The following XIRP2 variants were observed in gnomAD, a reference collection of about 807,000 sequenced individuals.
XIRP2 encodes xin actin-binding repeat-containing protein 2.
A neutral mutation model predicts 277.0 loss-of-function variants in XIRP2; 236 were observed. The ratio of observed to expected loss-of-function variants is 0.85; its 90% CI spans 0.77 to 0.95. The LOEUF (loss-of-function observed/expected upper bound fraction) is 0.95, where lower values mean the gene tolerates loss of function less well. XIRP2 is among the 40% of genes least tolerant of loss of function. XIRP2 has a pLI of 0.00. For synonymous variants in XIRP2, 1,490 were observed against 1,416.5 expected (o/e 1.05, Z -1.17); for missense variants, 4,640 against 4,157.5 (o/e 1.12, Z -3.19).
Position 167,245,825 on chromosome 2 carries a change from C to G in XIRP2, c.4433C>G (p.Thr1478Ser). The change falls in exon 9 of 11, where the codon ACT becomes AGT. Residue 1478 changes from threonine to serine, a missense_variant. Transcript: ENST00000409195. Reference sequence around the variant, plus strand: ...GAATATGAAAATATCAAGACAGTCACTCAGGAAGATGTGCAGAAAGGTGAT... The same window carrying G: ...GAATATGAAAATATCAAGACAGTCAGTCAGGAAGATGTGCAGAAAGGTGAT... ...GLEYENIKTV[T>S]QEDVQKGDVK... 1 of 1,613,726 alleles carries G rather than the reference C, an allele frequency of 6.2e-7. No homozygotes were observed. Among genetic ancestry groups the G allele is most frequent in the South Asian group, 1.1e-5 (1 of 91,080 alleles).
intron 2 of XIRP2, among the ~76,000 whole-genome samples, chr2:167,060,135 T>C (rs1393524757): frequency 6.6e-6 from 1 of 152,198 alleles, no homozygotes; most frequent in Non-Finnish European, 1.5e-5. Flanking sequence ...ACACTTGTTT[T>C]ATAAATCACT....
At chr2:166,928,825 C>T (rs1685254552) in intron 2 of XIRP2, among the ~76,000 whole-genome samples, 2 of 152,138 alleles carry the variant, frequency 1.3e-5, no homozygotes, top group East Asian at 1.9e-4. Flanking sequence ...CTTGGTGTCC[C>T]CACTGCCTAT....
chr2:166,941,575 C>T (rs1574100097), intron 2 of XIRP2, among the ~76,000 whole-genome samples: 1 of 152,182 alleles, frequency 6.6e-6, no homozygotes, highest in Non-Finnish European at 1.5e-5. Context: ...TCCTAATTGG[C>T]CATCTTGGAA....
chr2:167,090,031 G>A (rs1410319039), intron 2 of XIRP2, among the ~76,000 whole-genome samples: 1 of 152,096 alleles, frequency 6.6e-6, no homozygotes, highest in East Asian at 1.9e-4. Flanking sequence ...AACTTATCTT[G>A]TATTCTATAA....
chr2:167,106,855 G>A (rs978213172), intron 2 of XIRP2, among the ~76,000 whole-genome samples: 21 of 151,180 alleles, frequency 1.4e-4, no homozygotes, highest in South Asian at 2.1e-4. Flanking sequence ...ATTAATCAGC[G>A]TTCTGTAGTT....
At chr2:167,146,392 T>C (rs1254239769) in intron 3 of XIRP2, among the ~76,000 whole-genome samples, 3 of 151,924 alleles carry the variant, frequency 2.0e-5, no homozygotes, top group Non-Finnish European at 4.4e-5. Context: ...TCCCAGCTAC[T>C]TGGAATGCTG....
At chr2:167,050,193 C>T (rs1260669470) in intron 2 of XIRP2, among the ~76,000 whole-genome samples, 5 of 151,978 alleles carry the variant, frequency 3.3e-5, no homozygotes, top group South Asian at 2.1e-4. Context: ...GTGTAACTGC[C>T]ACAACCCTGG....
chr2:167,058,859 T>C (rs1391990320), intron 2 of XIRP2, among the ~76,000 whole-genome samples: 1 of 152,154 alleles, frequency 6.6e-6, no homozygotes, highest in African/African-American at 2.4e-5. Context: ...ATAGGGGAAG[T>C]TGTTAGTTCT....
chr2:167,084,583 G>T (rs1689864862), intron 2 of XIRP2, among the ~76,000 whole-genome samples: 1 of 151,680 alleles, frequency 6.6e-6, no homozygotes, highest in Non-Finnish European at 1.5e-5. Context: ...GAGTCTTTTT[G>T]GTTGGTAAGC....
intron 2 of XIRP2, among the ~76,000 whole-genome samples, chr2:166,931,965 T>C (rs376516469): frequency 6.6e-6 from 1 of 152,174 alleles, no homozygotes; most frequent in Non-Finnish European, 1.5e-5. Context: ...CTAGTGGATG[T>C]GTAATATTCT....
intron 5 of XIRP2, among the ~76,000 whole-genome samples, chr2:167,238,744 G>A (rs920731606): frequency 1.3e-5 from 2 of 151,964 alleles, no homozygotes; most frequent in African/African-American, 4.8e-5. Context: ...TATTCATTTG[G>A]ATATCAAGAT....
intron 2 of XIRP2, among the ~76,000 whole-genome samples, chr2:167,076,850 G>A (rs1251053782): frequency 6.6e-6 from 1 of 152,098 alleles, no homozygotes; most frequent in African/African-American, 2.4e-5. Flanking sequence ...GGGGGATTTT[G>A]AGACAGGGTC....
intron 2 of XIRP2, among the ~76,000 whole-genome samples, chr2:166,952,740 C>T (rs901398450): frequency 2.6e-5 from 4 of 151,438 alleles, no homozygotes; most frequent in African/African-American, 9.7e-5. Flanking sequence ...TTTCAGACTT[C>T]ATTGGTTCTA....
At chr2:167,166,947 A>T (rs769755717) in intron 3 of XIRP2, among the ~76,000 whole-genome samples, 5 of 152,174 alleles carry the variant, frequency 3.3e-5, no homozygotes, top group African/African-American at 1.2e-4. Flanking sequence ...GAAGTTTCCA[A>T]CCATAAAAAT....
chr2:167,233,512 G>A (rs897726617), intron 5 of XIRP2, among the ~76,000 whole-genome samples: 2 of 151,744 alleles, frequency 1.3e-5, no homozygotes, highest in Admixed American at 6.6e-5. Flanking sequence ...TGGGCCTGAA[G>A]TTCTAGGGTA....
rs75731312 is a variant in XIRP2 at position 167,255,440 on chromosome 2, C to T, written c.*39+1275C>T. Among the ~76,000 whole-genome samples, 3 of 151,648 alleles carry T rather than the reference C, an allele frequency of 2.0e-5. No individual in the cohort carries two copies. In the East Asian group the frequency reaches 5.8e-4, roughly 30 times the overall value. On this transcript the variant is annotated intron_variant, in intron 10 of 10. Coordinates refer to ENST00000409195, the MANE Select transcript of XIRP2 (RefSeq NM_152381.6). ...GACCAAAGCATGGAGTTATCTTTGGCTCCTTCCTTTCCTTCATTCCCTACA... is the reference window on the plus strand; with the variant it reads ...GACCAAAGCATGGAGTTATCTTTGGTTCCTTCCTTTCCTTCATTCCCTACA...
At chr2:166,975,550 T>C (rs1394865306) in intron 2 of XIRP2, among the ~76,000 whole-genome samples, 1 of 152,002 alleles carries the variant, frequency 6.6e-6, no homozygotes, top group Non-Finnish European at 1.5e-5. Context: ...AGATAAATTG[T>C]AAGGGGTCAA....
intron 2 of XIRP2, among the ~76,000 whole-genome samples, chr2:167,058,572 T>C (rs1437126155): frequency 6.6e-6 from 1 of 152,174 alleles, no homozygotes; most frequent in Non-Finnish European, 1.5e-5. Context: ...CCTTGACAAG[T>C]CCTTCCTCTC....
chr2:167,142,111 G>A (rs1323670892), intron 3 of XIRP2, among the ~76,000 whole-genome samples: 1 of 152,152 alleles, frequency 6.6e-6, no homozygotes, highest in East Asian at 1.9e-4. Context: ...TCTGCACCTT[G>A]TGGATTTCTG....
Sources: allele counts gnomAD v4.1 joint callset (sites outside exome capture counted in the v4.1 genomes callset), GRCh38; gene constraint gnomAD v4.1.1; transcripts MANE v1.5; gene names NCBI Gene and HGNC (gene_info 2026-07-23, HGNC 2026-07-21).